Variants in PCDHGA3 observed in about 807,000 individuals in gnomAD.
PCDHGA3 encodes the protein protocadherin gamma subfamily A, 3.
In PCDHGA3, 40 loss-of-function variants were observed where a neutral mutation model predicts 58.5. That is an observed-to-expected ratio of 0.68 (90% CI 0.53 to 0.89). PCDHGA3 has a LOEUF of 0.89. Ranked by LOEUF, PCDHGA3 falls within the 40% of genes least tolerant of loss-of-function variation. The pLI, the probability that PCDHGA3 is intolerant of heterozygous loss-of-function variation, is 0.00. For synonymous variants in PCDHGA3, 530 were observed against 525.7 expected, an observed-to-expected ratio of 1.01 and a Z score of -0.11; for missense variants, 1,223 against 1,195.9, an observed-to-expected ratio of 1.02 and a Z score of -0.33.
In PCDHGA3 at chr5:141,485,101, T is replaced by C; in HGVS notation, c.2425-9706T>C. On this transcript the variant is annotated intron_variant, in intron 1 of 3. Coordinates refer to ENST00000253812, the MANE Select transcript of PCDHGA3 (RefSeq NM_018916.4). The surrounding 1 kb of genome is among the most constrained non-coding windows in gnomAD (Gnocchi z 5.7). ...GGAAAGGGAGATAGGTGTCTCCAGC[T>C]GCTGTGGCTGTTTGGGGCGGGTCGG... 1 of 1,158,208 alleles carries C rather than the reference T, an allele frequency of 8.6e-7. No homozygotes were observed. Among genetic ancestry groups the C allele is most frequent in the South Asian group, 1.4e-5 (1 of 72,622 alleles). The allele number at this position is 1,158,208 out of a possible 1,614,324, so 71.7% of individuals were successfully genotyped here.
At chr5:141,355,272 G>A (rs1322283569) in intron 1 of PCDHGA3, 1 of 1,613,674 alleles carries the variant, frequency 6.2e-7, no homozygotes, top group Non-Finnish European at 8.5e-7. Flanking sequence ...GGGTTCTGGT[G>A]GAAATCAGGG....
intron 1 of PCDHGA3, among the ~76,000 whole-genome samples, chr5:141,472,030 G>A (rs2099269943): frequency 6.6e-6 from 1 of 152,030 alleles, no homozygotes; most frequent in African/African-American, 2.4e-5. Flanking sequence ...TATGTAGAAA[G>A]CTGTGAAAAG....
intron 1 of PCDHGA3, among the ~76,000 whole-genome samples, chr5:141,457,674 A>G (rs577008886): frequency 2.9e-4 from 44 of 152,256 alleles, no homozygotes; most frequent in South Asian, 2.1e-4. Flanking sequence ...GGTTATTTCT[A>G]CATAGGACTT....
chr5:141,491,955 A>T lies in PCDHGA3; in HGVS notation c.2425-2852A>T. Reference sequence around the variant, plus strand: ...GGGACCGACCCCCACCCCTACACTCAAAAAAGGCCGGGGCCTCCTTCGAGC... The same window carrying T: ...GGGACCGACCCCCACCCCTACACTCTAAAAAGGCCGGGGCCTCCTTCGAGC... On this transcript the variant is annotated intron_variant, in intron 1 of 3. Coordinates refer to ENST00000253812, the MANE Select transcript of PCDHGA3 (RefSeq NM_018916.4). This position sits in a 1 kb window ranked among gnomAD's most constrained non-coding sequence, Gnocchi z 6.9. 9.7e-7 allele frequency: 1 copy of T among 1,029,648 alleles called. No homozygotes were observed. The highest frequency in any genetic ancestry group is 2.2e-5 in the South Asian group (1 of 44,530). The allele number at this position is 1,029,648 out of a possible 1,614,324, so 63.8% of individuals were successfully genotyped here. A position where few individuals can be genotyped will look rare whatever the true frequency, so the allele number is the denominator to read the frequency against.
rs143737031 is a variant in PCDHGA3 at position 141,454,359 on chromosome 5, G to C, written c.2425-40448G>C. Among the ~76,000 whole-genome samples, 105 of 152,200 alleles carry C rather than the reference G, an allele frequency of 6.9e-4. No individual in the cohort carries two copies. In the East Asian group the frequency reaches 0.014, roughly 20 times the overall value. ...AATGTTGGAAGTTGATCCAAACTTA[G>C]AAAGGAGTATGGCAACTTGTCAAGA... On this transcript the variant is annotated intron_variant, in intron 1 of 3. Coordinates refer to ENST00000253812, the MANE Select transcript of PCDHGA3 (RefSeq NM_018916.4).
chr5:141,372,646 C>T, intron 1 of PCDHGA3: 1 of 1,614,008 alleles, frequency 6.2e-7, no homozygotes, highest in Middle Eastern at 1.6e-4. Context: ...TTGCCTTATT[C>T]CTACAATCCG....
At chr5:141,382,592 A>G (rs1264942970) in intron 1 of PCDHGA3, 1 of 246,462 alleles carries the variant, frequency 4.1e-6, no homozygotes, top group Admixed American at 5.4e-5. Context: ...TTGAAAGATG[A>G]AACAATTTTC....
chr5:141,384,934 G>A (rs750109041), intron 1 of PCDHGA3: 1 of 1,614,050 alleles, frequency 6.2e-7, no homozygotes, highest in Admixed American at 1.7e-5. Flanking sequence ...GGGCAGCCTT[G>A]AGCCCTCCGA....
At chr5:141,370,971 G>T in intron 1 of PCDHGA3, 1 of 1,614,016 alleles carries the variant, frequency 6.2e-7, no homozygotes, top group Non-Finnish European at 8.5e-7. Context: ...TAGGTACCCA[G>T]AGCTAGTACT....
chr5:141,455,787 C>T (rs1259121501), intron 1 of PCDHGA3, among the ~76,000 whole-genome samples: 2 of 152,004 alleles, frequency 1.3e-5, no homozygotes, highest in Non-Finnish European at 2.9e-5. Flanking sequence ...GAAACTTTTC[C>T]GGAGATGCTT....
rs142703691 is a variant in PCDHGA3 at position 141,489,691 on chromosome 5, C to T, written c.2425-5116C>T. On this transcript the variant is annotated intron_variant, in intron 1 of 3. Transcript: ENST00000253812. The surrounding 1 kb of genome is among the most constrained non-coding windows in gnomAD (Gnocchi z 4.5). ...CTCAGAATCAGCAGCATCTGGGGCACGATTCCCACTGGACAGTGCCCAGGA... is the reference window on the plus strand; with the variant it reads ...CTCAGAATCAGCAGCATCTGGGGCATGATTCCCACTGGACAGTGCCCAGGA... 8.1e-6 allele frequency: 13 copies of T among 1,614,164 alleles called. No individual in the cohort carries two copies. The highest frequency in any genetic ancestry group is 3.3e-5 in the South Asian group (3 of 91,080).
chr5:141,390,275 C>G, intron 1 of PCDHGA3: 1 of 1,613,976 alleles, frequency 6.2e-7, no homozygotes, highest in Non-Finnish European at 8.5e-7. Context: ...AATTGACTTC[C>G]CATCAGGTGA....
intron 1 of PCDHGA3, chr5:141,418,101 G>A (rs965772298): frequency 3.7e-6 from 6 of 1,614,082 alleles, no homozygotes; most frequent in Non-Finnish European, 5.1e-6. Flanking sequence ...GACGCGCAGA[G>A]CGGGGACTTA....
At chr5:141,375,248 A>G (rs1487300196) in intron 1 of PCDHGA3, 2 of 1,613,948 alleles carry the variant, frequency 1.2e-6, no homozygotes, top group South Asian at 2.2e-5. Flanking sequence ...CATCCCGAGA[A>G]GTCTCCCATT....
chr5:141,423,661 GT>G, intron 1 of PCDHGA3: 1 of 1,555,760 alleles, frequency 6.4e-7, no homozygotes. Flanking sequence ...AAGTAATCAG[GT>G]GAGATTTATT....
intron 3 of PCDHGA3, 69 bp from the exon 4 acceptor site, chr5:141,510,878 G>A (rs896348248): frequency 6.2e-7 from 1 of 1,610,438 alleles, no homozygotes; most frequent in African/African-American, 1.3e-5. Context: ...TTAACTGCTG[G>A]GGATATAAGA....
intron 1 of PCDHGA3, chr5:141,430,690 G>A: frequency 1.4e-6 from 2 of 1,410,426 alleles, no homozygotes; most frequent in Non-Finnish European, 1.9e-6. Flanking sequence ...CCCATTCTAT[G>A]GGCGAAGGAA....
intron 1 of PCDHGA3, chr5:141,393,004 T>C (rs781030004): frequency 1.2e-6 from 2 of 1,613,554 alleles, no homozygotes; most frequent in Middle Eastern, 1.7e-4. Flanking sequence ...AAGCACGGAG[T>C]CCGTATCGTC....
rs762881601 is a variant in PCDHGA3, at chr5:141,392,998, A to ACGGAGTC, written c.2424+46544_2424+46550dup. 1.9e-6 allele frequency: 3 copies of ACGGAGTC among 1,613,876 alleles called. No individual in the cohort carries two copies. In the East Asian group the frequency reaches 6.7e-5, roughly 36 times the overall value. On this transcript the variant is annotated intron_variant, in intron 1 of 3. Transcript: ENST00000253812. ...CTGGACCCCCGGAAGCTGGCGAAGCACGGAGTCCGTATCGTCTCCAGAGGT... is the reference window on the plus strand; with the variant it reads ...CTGGACCCCCGGAAGCTGGCGAAGCACGGAGTCCGGAGTCCGTATCGTCTCCAGAGGT...
Sources: allele counts gnomAD v4.1 joint callset (sites outside exome capture counted in the v4.1 genomes callset), GRCh38; gene constraint gnomAD v4.1.1; non-coding constraint Gnocchi (gnomAD v3.1); transcripts MANE v1.5; gene names NCBI Gene and HGNC (gene_info 2026-07-23, HGNC 2026-07-21).